The following CUEDC1 variants were observed in gnomAD, a reference collection of about 807,000 sequenced individuals.
CUEDC1 encodes CUE domain-containing protein 1.
In CUEDC1, 30 loss-of-function variants were observed where a neutral mutation model predicts 43.7. The ratio of observed to expected loss-of-function variants is 0.69; its 90% CI spans 0.51 to 0.93. The LOEUF (loss-of-function observed/expected upper bound fraction) is 0.93, where lower values mean the gene tolerates loss of function less well. Ranked by LOEUF, CUEDC1 falls within the 40% of genes least tolerant of loss-of-function variation. The pLI is 0.00. For missense variants in CUEDC1, 486 were observed against 549.0 expected (o/e 0.89, Z 1.15); for synonymous variants, 223 against 223.6 (o/e 1.00, Z 0.02).
intron 1 of CUEDC1, among the ~76,000 whole-genome samples, chr17:57,918,914 C>A (rs1052440473): frequency 6.6e-6 from 1 of 152,190 alleles, no homozygotes; most frequent in Non-Finnish European, 1.5e-5. Context: ...AGTGCAGTGG[C>A]ATGATCTTGG....
chr17:57,914,481 G>A (rs868309994), intron 1 of CUEDC1, among the ~76,000 whole-genome samples: 1 of 152,162 alleles, frequency 6.6e-6, no homozygotes, highest in Non-Finnish European at 1.5e-5. Context: ...GCTGTGCACA[G>A]GGAGGAGCAA....
intron 1 of CUEDC1, among the ~76,000 whole-genome samples, chr17:57,951,216 T>C (rs2075003785): frequency 1.3e-5 from 2 of 151,476 alleles, no homozygotes; most frequent in Non-Finnish European, 2.9e-5. Context: ...ATGGCAATAA[T>C]AATAATAGCT....
At chr17:57,879,511 T>C (rs557392488) in intron 3 of CUEDC1, 100 bp downstream of exon 3, 3 of 1,426,644 alleles carry the variant, frequency 2.1e-6, no homozygotes, top group South Asian at 3.1e-5. Context: ...CTTTGAAATA[T>C]ACTGAGCAGT....
chr17:57,906,012 G>C (rs1461496992), intron 1 of CUEDC1, among the ~76,000 whole-genome samples: 1 of 152,216 alleles, frequency 6.6e-6, no homozygotes, highest in African/African-American at 2.4e-5. Context: ...CTATGAAAAA[G>C]ATAGTGAAAC....
intron 1 of CUEDC1, among the ~76,000 whole-genome samples, chr17:57,941,926 G>A (rs2074920344): frequency 1.3e-5 from 2 of 152,188 alleles, no homozygotes; most frequent in African/African-American, 4.8e-5. Context: ...CAAGCCTTTG[G>A]GAAATGTGTG....
At chr17:57,876,826 C>A (rs942821380) in intron 3 of CUEDC1, among the ~76,000 whole-genome samples, 5 of 152,188 alleles carry the variant, frequency 3.3e-5, no homozygotes, top group Non-Finnish European at 7.3e-5. Context: ...AGCTGGGGGA[C>A]AGGAAGGAGC....
chr17:57,909,589 G>C (rs1216561806), intron 1 of CUEDC1, among the ~76,000 whole-genome samples: 1 of 152,184 alleles, frequency 6.6e-6, no homozygotes, highest in South Asian at 2.1e-4. Context: ...CAAAGCGTTG[G>C]CTGTTTCCTG....
chr17:57,910,641 A>T (rs2074572800), intron 1 of CUEDC1, among the ~76,000 whole-genome samples: 1 of 152,028 alleles, frequency 6.6e-6, no homozygotes, highest in Admixed American at 6.6e-5. Flanking sequence ...GGAAAGGGAA[A>T]GAAAGGAAAG....
In CUEDC1 at chr17:57,885,800, G is replaced by A; in HGVS notation, c.-236C>T. ...GTCCTCGCGGGGCGGTGGCATGCGG[G>A]ACCGGGCCGTGCTGGGGCTGGGCGG... On this transcript the variant is annotated 5_prime_UTR_variant, in exon 2 of 11. Coordinates refer to ENST00000577830, the MANE Select transcript of CUEDC1 (RefSeq NM_001271875.2). 2.2e-6 allele frequency: 1 copy of A among 449,342 alleles called. No homozygotes were observed. Among genetic ancestry groups the A allele is most frequent in the Non-Finnish European group, 3.5e-6 (1 of 282,524 alleles). The allele number at this position is 449,342 out of a possible 1,614,324, so 27.8% of individuals were successfully genotyped here. A position where few individuals can be genotyped will look rare whatever the true frequency, so the allele number is the denominator to read the frequency against.
chr17:57,872,205 C>T (rs1190312125), intron 5 of CUEDC1, among the ~76,000 whole-genome samples: 1 of 152,254 alleles, frequency 6.6e-6, no homozygotes, highest in Non-Finnish European at 1.5e-5. Context: ...ACCCAAATAC[C>T]TGCAAAGTTC....
At chr17:57,878,013 A>G (rs2074151172) in intron 3 of CUEDC1, among the ~76,000 whole-genome samples, 2 of 151,574 alleles carry the variant, frequency 1.3e-5, no homozygotes, top group Non-Finnish European at 2.9e-5. Flanking sequence ...CTCCCACTCC[A>G]GTACAGCCTG....
Position 57,930,023 on chromosome 17 carries a change from G to A in CUEDC1, c.-316+25202C>T, listed in dbSNP as rs1567721411. ...TCACCATGTTTGTCGGGCTGGTATC[G>A]AACTCCTGCCCTCAGGTGATCCACC... On this transcript the variant is annotated intron_variant, in intron 1 of 10. Transcript: ENST00000577830. The surrounding 1 kb of genome is among the most constrained non-coding windows in gnomAD (Gnocchi z 4.2). Among the ~76,000 whole-genome samples, 2 of 152,108 alleles carry A rather than the reference G, an allele frequency of 1.3e-5. No individual in the cohort carries two copies. Among genetic ancestry groups the A allele is most frequent in the Non-Finnish European group, 1.5e-5 (1 of 68,024 alleles).
intron 1 of CUEDC1, among the ~76,000 whole-genome samples, chr17:57,947,359 C>T (rs538779759): frequency 6.6e-6 from 1 of 152,092 alleles, no homozygotes; most frequent in Non-Finnish European, 1.5e-5. Context: ...GTCCAGCATC[C>T]GTTCATATTT....
chr17:57,898,229 GA>G (rs2074434032), intron 1 of CUEDC1, among the ~76,000 whole-genome samples: 1 of 152,206 alleles, frequency 6.6e-6, no homozygotes, highest in Non-Finnish European at 1.5e-5. Flanking sequence ...GGGAAGGAAT[GA>G]GGGCCGAGTG....
At chr17:57,891,190 C>T (rs1055229364) in intron 1 of CUEDC1, among the ~76,000 whole-genome samples, 1 of 152,326 alleles carries the variant, frequency 6.6e-6, no homozygotes, top group East Asian at 1.9e-4. Flanking sequence ...GCTGCCTCCA[C>T]TTGGACATCC....
At chr17:57,905,370 C>T (rs2074520648) in intron 1 of CUEDC1, among the ~76,000 whole-genome samples, 1 of 152,148 alleles carries the variant, frequency 6.6e-6, no homozygotes, top group Admixed American at 6.5e-5. Flanking sequence ...TGGCTGCGCG[C>T]TGCCTGCGTG....
chr17:57,896,486 G>GGGGGGGC (rs2074409813), intron 1 of CUEDC1, among the ~76,000 whole-genome samples: 1 of 75,254 alleles, frequency 1.3e-5, no homozygotes, highest in Non-Finnish European at 2.7e-5. Context: ...GTGCATTATG[G>GGGGGGGC]GGTGTGTGTG....
intron 1 of CUEDC1, among the ~76,000 whole-genome samples, chr17:57,918,819 A>C (rs1253902205): frequency 6.6e-6 from 1 of 152,226 alleles, no homozygotes; most frequent in Non-Finnish European, 1.5e-5. Context: ...TTCCACTTAA[A>C]GTTATGATAA....
chr17:57,954,869 G>A lies in CUEDC1; in HGVS notation c.-316+356C>T, dbSNP rs918985478. 6.6e-6 allele frequency among the ~76,000 whole-genome samples: 1 copy of A among 151,900 alleles called. No homozygotes were observed. Among genetic ancestry groups the A allele is most frequent in the Non-Finnish European group, 1.5e-5 (1 of 67,902 alleles). On this transcript the variant is annotated intron_variant, in intron 1 of 10. Transcript: ENST00000577830. The surrounding 1 kb of genome is among the most constrained non-coding windows in gnomAD (Gnocchi z 4.3). ...AGGGGACTCGGGCGAAGCCGGCTCC[G>A]GGAGGCCTCGTCTCCCTTCCCTGCG... is the stretch of plus-strand genomic sequence containing the variant.
Sources: gnomAD v4.1 joint callset for allele counts (sites outside exome capture counted in the v4.1 genomes callset) on GRCh38, gnomAD v4.1.1 for gene constraint, Gnocchi (gnomAD v3.1) non-coding constraint, MANE v1.5 for transcripts, NCBI Gene and HGNC (gene_info 2026-07-23, HGNC 2026-07-21) for gene names.